Variants in SLC2A14 observed in about 807,000 individuals in gnomAD.
SLC2A14 encodes the protein solute carrier family 2, facilitated glucose transporter member 14.
A neutral mutation model predicts 43.0 loss-of-function variants in SLC2A14; 13 were observed. That is an observed-to-expected ratio of 0.30 (90% CI 0.20 to 0.48). SLC2A14 has a LOEUF of 0.48. Among genes scored for constraint, SLC2A14 ranks in the 20% least tolerant of loss-of-function variants. The pLI is 0.99. For synonymous variants in SLC2A14, 190 were observed against 233.8 expected, an observed-to-expected ratio of 0.81 and a Z score of 1.71; for missense variants, 428 against 620.4, an observed-to-expected ratio of 0.69 and a Z score of 3.29.
chr12:7,891,075 C>G (rs1297527264), exon 1 of SLC2A14: 1 of 1,535,098 alleles, frequency 6.5e-7, no homozygotes, highest in South Asian at 1.2e-5. Context: ...CATTTCATCT[C>G]CTTGTTTCAC....
At chr12:7,881,012 G>C (rs988861394) in intron 1 of SLC2A14, among the ~76,000 whole-genome samples, 24 of 152,228 alleles carry the variant, frequency 1.6e-4, no homozygotes, top group African/African-American at 5.3e-4. Context: ...GGTGGCAGGC[G>C]CCTGTTGTCC....
chr12:7,834,085 G>A (rs557962815), intron 2 of SLC2A14, among the ~76,000 whole-genome samples: 31 of 152,172 alleles, frequency 2.0e-4, no homozygotes, highest in Non-Finnish European at 3.5e-4. Context: ...ACTAAGCATC[G>A]ATACCCTGGA....
At chr12:7,818,960 G>A (rs1277866156) in intron 9 of SLC2A14, among the ~76,000 whole-genome samples, 3 of 152,104 alleles carry the variant, frequency 2.0e-5, no homozygotes, top group East Asian at 1.9e-4. Flanking sequence ...GCTCATGCCT[G>A]TAATCCCAGC....
upstream of SLC2A14, among the ~76,000 whole-genome samples, chr12:7,874,782 T>TAC (rs1565584544): frequency 1.2e-3 from 5 of 4,166 alleles, no homozygotes; most frequent in Non-Finnish European, 3.3e-3. Context: ...CATATATAAA[T>TAC]ATATAAATAT....
At chr12:7,860,997 G>A (rs1944522174) in intron 2 of SLC2A14, among the ~76,000 whole-genome samples, 1 of 152,046 alleles carries the variant, frequency 6.6e-6, no homozygotes, top group Non-Finnish European at 1.5e-5. Context: ...TCTCCATGTT[G>A]GTCGGGCTGG....
At position 7,842,651 on chromosome 12, in the gene SLC2A14, C is replaced by A. The variant is rs1866066346; in HGVS notation, c.19-9837G>T. ...ATCACCAGGCTACCACCCCCCTCCC[C>A]CCACTCACAGGAAAACAGCTACATG... On this transcript the variant is annotated intron_variant, in intron 2 of 10. Transcript: ENST00000431042. Among the ~76,000 whole-genome samples the A allele has an allele frequency of 2.0e-5, 3 of 152,002 alleles. 1 individual carries two copies. The highest frequency in any genetic ancestry group is 4.4e-5 in the Non-Finnish European group (3 of 68,006).
At chr12:7,876,280 CAAAA>C (rs59935166), upstream of SLC2A14, among the ~76,000 whole-genome samples, 14 of 68,208 alleles carry the variant, frequency 2.1e-4, no homozygotes, top group African/African-American at 5.2e-4. Flanking sequence ...AACTCCATCT[CAAAA>C]AAAAAAAAAA....
At chr12:7,824,207 G>C (rs1011560164) in intron 7 of SLC2A14, among the ~76,000 whole-genome samples, 2 of 152,050 alleles carry the variant, frequency 1.3e-5, no homozygotes, top group African/African-American at 2.4e-5. Context: ...AGTGAGCCGA[G>C]ATCGAGCCAC....
intron 2 of SLC2A14, among the ~76,000 whole-genome samples, chr12:7,862,790 A>G (rs1944655106): frequency 6.6e-6 from 1 of 152,116 alleles, no homozygotes; most frequent in Non-Finnish European, 1.5e-5. Context: ...GAGTGCACCA[A>G]TTGACACTCT....
At chr12:7,859,699 G>A (rs2120984554) in intron 2 of SLC2A14, among the ~76,000 whole-genome samples, 1 of 152,234 alleles carries the variant, frequency 6.6e-6, no homozygotes, top group African/African-American at 2.4e-5. Flanking sequence ...AAGTGACCCA[G>A]GAGTTCAGTA....
chr12:7,885,362 C>T (rs541451999), intron 1 of SLC2A14, among the ~76,000 whole-genome samples: 4 of 152,094 alleles, frequency 2.6e-5, no homozygotes, highest in South Asian at 2.1e-4. Flanking sequence ...CTACTCGGGA[C>T]GCTGAGGCGG....
intron 2 of SLC2A14, among the ~76,000 whole-genome samples, chr12:7,842,533 GAA>G (rs1452966960): frequency 6.6e-6 from 1 of 152,130 alleles, no homozygotes; most frequent in Non-Finnish European, 1.5e-5. Context: ...TGCATGAAGT[GAA>G]GACAGTTCTT....
At chr12:7,834,591 T>C (rs1402660689) in intron 2 of SLC2A14, among the ~76,000 whole-genome samples, 2 of 141,472 alleles carry the variant, frequency 1.4e-5, no homozygotes, top group Non-Finnish European at 3.0e-5. Flanking sequence ...TAGCTGGGTA[T>C]GGTAATGGCA....
chr12:7,840,000 T>C (rs1028905315), intron 2 of SLC2A14: 11 of 353,974 alleles, frequency 3.1e-5, no homozygotes, highest in Middle Eastern at 1.0e-3. Context: ...TAGTCCCAGC[T>C]ACTCGGGTGG....
rs1864603729 is a variant in SLC2A14, at chr12:7,827,548, T to A, written c.811A>T (p.Ile271Phe). 2 of 1,612,828 alleles carry A rather than the reference T, an allele frequency of 1.2e-6. No homozygotes were observed. Among genetic ancestry groups the A allele is most frequent in the South Asian group, 2.2e-5 (2 of 90,952 alleles). Reference protein sequence around the residue: ...LFRVSSYRQPIIISIVLQLSQ... With the variant: ...LFRVSSYRQPFIISIVLQLSQ... The stretch of plus-strand genomic sequence containing the variant: ...AGCTGGAGCACAATGGAAATGATGA[T>A]GGGCTGTCGGTAGCTGGACACTCTA... Residue 271 changes from isoleucine (I) to phenylalanine (F), a missense_variant, in exon 7 of 11, where the codon ATC becomes TTC. Physicochemically the swap from Ile to Phe is conservative, Grantham distance 21. Around this residue, in one of 4 missense-constraint regions of SLC2A14, gnomAD observed 185 missense variants for 275.4 expected, o/e 0.67. Coordinates refer to ENST00000431042, the MANE Select transcript of SLC2A14 (RefSeq NM_001286234.2).
intron 1 of SLC2A14, among the ~76,000 whole-genome samples, chr12:7,882,274 C>T (rs1468545909): frequency 6.7e-6 from 1 of 148,978 alleles, no homozygotes; most frequent in African/African-American, 2.6e-5. Flanking sequence ...AGCTGTAACA[C>T]TCACCGTGAA....
At chr12:7,820,567 C>T (rs1863830616) in intron 8 of SLC2A14, among the ~76,000 whole-genome samples, 1 of 152,126 alleles carries the variant, frequency 6.6e-6, no homozygotes, top group Non-Finnish European at 1.5e-5. Context: ...GGGACAAATC[C>T]TTATATATTT....
chr12:7,869,983 A>C (rs773448112), intron 1 of SLC2A14, 46 bp from the exon 2 acceptor site: 2 of 1,252,430 alleles, frequency 1.6e-6, no homozygotes, highest in East Asian at 5.1e-5. Context: ...CATCTACTTA[A>C]GCTCCTTGAG....
At chr12:7,824,748 A>C (rs1864202867) in intron 7 of SLC2A14, among the ~76,000 whole-genome samples, 1 of 139,536 alleles carries the variant, frequency 7.2e-6, no homozygotes, top group Admixed American at 7.3e-5. Flanking sequence ...AAAAAAAAAG[A>C]ATACATTGTT....
Sources: gnomAD v4.1 joint callset for allele counts (sites outside exome capture counted in the v4.1 genomes callset) on GRCh38, gnomAD v4.1.1 for gene constraint, gnomAD v4.1.1 regional missense constraint, MANE v1.5 for transcripts, NCBI Gene and HGNC (gene_info 2026-07-23, HGNC 2026-07-21) for gene names.